Variants in PODXL2 observed in about 807,000 individuals in gnomAD.
The protein encoded by PODXL2 is podocalyxin like 2.
Under a neutral mutation model 53.4 loss-of-function variants are expected in PODXL2, and 17 were observed. The observed-to-expected ratio is 0.32, with a 90% CI of 0.22 to 0.48. The LOEUF is 0.48. Ranked by LOEUF, PODXL2 falls within the 20% of genes least tolerant of loss-of-function variation. PODXL2 has a pLI of 0.99. For synonymous variants in PODXL2, 311 were observed against 306.7 expected, an observed-to-expected ratio of 1.01 and a Z score of -0.15; for missense variants, 673 against 760.0, an observed-to-expected ratio of 0.89 and a Z score of 1.35.
intron 4 of PODXL2, among the ~76,000 whole-genome samples, chr3:127,668,017 G>A (rs2074804731): frequency 1.3e-5 from 2 of 152,100 alleles, no homozygotes; most frequent in South Asian, 4.1e-4. Context: ...CCATGCACTT[G>A]AGCACTAGGC....
intron 1 of PODXL2, among the ~76,000 whole-genome samples, chr3:127,636,094 A>G (rs751124346): frequency 1.3e-5 from 2 of 152,152 alleles, no homozygotes; most frequent in African/African-American, 2.4e-5. Flanking sequence ...TTGTGTAGCA[A>G]CTCACAAAGG....
chr3:127,655,004 G>A (rs1042014332), intron 2 of PODXL2, among the ~76,000 whole-genome samples: 2 of 152,098 alleles, frequency 1.3e-5, no homozygotes, highest in African/African-American at 4.8e-5. Flanking sequence ...GTGCAGTGGT[G>A]CAATCTCGGC....
At chr3:127,647,689 G>A (rs547991580) in intron 2 of PODXL2, among the ~76,000 whole-genome samples, 13 of 152,314 alleles carry the variant, frequency 8.5e-5, no homozygotes, top group African/African-American at 3.1e-4. Context: ...TTCGTTCTCA[G>A]GCAGGCTGGT....
chr3:127,635,409 G>C (rs1436725567), intron 1 of PODXL2, among the ~76,000 whole-genome samples: 1 of 152,206 alleles, frequency 6.6e-6, no homozygotes, highest in Non-Finnish European at 1.5e-5. Flanking sequence ...ATCATGCCTA[G>C]TCCAAATAAG....
At chr3:127,651,178 G>A (rs1049721518) in intron 2 of PODXL2, among the ~76,000 whole-genome samples, 2 of 152,146 alleles carry the variant, frequency 1.3e-5, no homozygotes, top group African/African-American at 4.8e-5. Flanking sequence ...CAGGAGAATC[G>A]CCTGAACCCA....
At chr3:127,669,843 C>T (rs1469354037) in intron 6 of PODXL2, among the ~76,000 whole-genome samples, 1 of 152,152 alleles carries the variant, frequency 6.6e-6, no homozygotes, top group Non-Finnish European at 1.5e-5. Flanking sequence ...ATGGCAGGGT[C>T]CCCCAGTCCT....
intron 6 of PODXL2, 75 bp downstream of exon 6, chr3:127,669,277 G>C: frequency 9.6e-7 from 1 of 1,040,884 alleles, no homozygotes; most frequent in Non-Finnish European, 1.5e-6. Flanking sequence ...AGTCCCAGGA[G>C]TCTGCCCACA....
rs1425173486 is a variant in PODXL2, at chr3:127,672,792, C to T, written c.*312C>T. On this transcript the variant is annotated 3_prime_UTR_variant, in exon 8 of 8. Coordinates refer to ENST00000342480, the MANE Select transcript of PODXL2 (RefSeq NM_015720.4). ...AATTAAACCCGCCCGGAGACCACGCCGGGCCCAGCGCGTCTGCCTTCTTGA... is the reference window on the plus strand; with the variant it reads ...AATTAAACCCGCCCGGAGACCACGCTGGGCCCAGCGCGTCTGCCTTCTTGA... 5 of 325,858 alleles carry T rather than the reference C, an allele frequency of 1.5e-5. No individual in the cohort carries two copies. Among genetic ancestry groups the T allele is most frequent in the East Asian group, 5.7e-5 (1 of 17,392 alleles). 20.2% of individuals were successfully genotyped at this position (325,858 alleles called of 1,614,324 possible). A position where few individuals can be genotyped will look rare whatever the true frequency, so the allele number is the denominator to read the frequency against.
intron 3 of PODXL2, among the ~76,000 whole-genome samples, 196 bp from the exon 4 acceptor site, chr3:127,662,041 T>G (rs1332480516): frequency 6.6e-6 from 1 of 152,218 alleles, no homozygotes; most frequent in African/African-American, 2.4e-5. Context: ...CATTCCCTGC[T>G]TGGTCCCCAA....
At chr3:127,654,841 C>G (rs1018696952) in intron 2 of PODXL2, among the ~76,000 whole-genome samples, 2 of 152,214 alleles carry the variant, frequency 1.3e-5, no homozygotes, top group East Asian at 3.9e-4. Context: ...AATCCCAGCA[C>G]TTTGGAGGGC....
In PODXL2 at chr3:127,669,119, AGTG is replaced by A. The variant is rs753783139; in HGVS notation, c.1364-18_1364-16del. On this transcript the variant is annotated intron_variant, in intron 5 of 7. Coordinates refer to ENST00000342480, the MANE Select transcript of PODXL2 (RefSeq NM_015720.4). ...GCACCTCAGCCATGGTCACACTGATAGTGGTGTTTCTTACCCCCCAGGGGTGGT... is the reference window on the plus strand; with the variant it reads ...GCACCTCAGCCATGGTCACACTGATAGTGTTTCTTACCCCCCAGGGGTGGT... 2 of 1,568,348 alleles carry A rather than the reference AGTG, an allele frequency of 1.3e-6. No individual in the cohort carries two copies. Among genetic ancestry groups the A allele is most frequent in the Admixed American group, 3.5e-5 (2 of 56,594 alleles).
At chr3:127,647,485 T>G (rs2107707534) in intron 2 of PODXL2, among the ~76,000 whole-genome samples, 1 of 152,284 alleles carries the variant, frequency 6.6e-6, no homozygotes, top group East Asian at 1.9e-4. Flanking sequence ...AAGAAACACT[T>G]TAATCTTTGG....
chr3:127,662,642 G>A (rs546292314), intron 4 of PODXL2, among the ~76,000 whole-genome samples: 13 of 152,150 alleles, frequency 8.5e-5, no homozygotes, highest in South Asian at 8.3e-4. Flanking sequence ...GCTTTTCTCC[G>A]TTTTGGGTCT....
chr3:127,658,020 G>T (rs997964157), intron 2 of PODXL2, among the ~76,000 whole-genome samples: 3 of 152,144 alleles, frequency 2.0e-5, no homozygotes, highest in Admixed American at 6.5e-5. Flanking sequence ...TCTTCATCAG[G>T]CTGGCTTTCT....
chr3:127,657,114 T>C (rs971692299), intron 2 of PODXL2, among the ~76,000 whole-genome samples: 2 of 152,196 alleles, frequency 1.3e-5, no homozygotes, highest in Admixed American at 6.5e-5. Flanking sequence ...AGTTAGTGGC[T>C]GAGTCCCAGA....
chr3:127,642,885 C>T (rs1559873856), intron 2 of PODXL2, among the ~76,000 whole-genome samples: 1 of 152,120 alleles, frequency 6.6e-6, no homozygotes, highest in Non-Finnish European at 1.5e-5. Context: ...GAGTAACTAA[C>T]CCTAAGCCTC....
At chr3:127,640,883 C>G (rs1391197837) in intron 2 of PODXL2, among the ~76,000 whole-genome samples, 1 of 152,046 alleles carries the variant, frequency 6.6e-6, no homozygotes, top group Non-Finnish European at 1.5e-5. Context: ...TGTTAAATAT[C>G]CATTTATAAC....
intron 2 of PODXL2, among the ~76,000 whole-genome samples, chr3:127,658,402 A>G (rs1018522411): frequency 4.3e-5 from 5 of 117,164 alleles, no homozygotes; most frequent in East Asian, 2.5e-4. Flanking sequence ...TTGATTTCCC[A>G]TGTCTTTTTT....
At chr3:127,670,673 G>A (rs535023919) in intron 6 of PODXL2, among the ~76,000 whole-genome samples, 1 of 152,324 alleles carries the variant, frequency 6.6e-6, no homozygotes, top group East Asian at 1.9e-4. Flanking sequence ...GGGGCCTGGT[G>A]CAACCTAGGC....
Sources: allele counts gnomAD v4.1 joint callset (sites outside exome capture counted in the v4.1 genomes callset), GRCh38; gene constraint gnomAD v4.1.1; transcripts MANE v1.5; gene names NCBI Gene and HGNC (gene_info 2026-07-23, HGNC 2026-07-21).